The following BLTP1 variants were observed in gnomAD, a reference collection of about 807,000 sequenced individuals.
The protein encoded by BLTP1 is bridge-like lipid transfer protein family member 1, also known as fragile site-associated protein.
At chr4:122,226,222 A>G in the BLTP1 span, 1 of 165,226 alleles carries the variant, frequency 6.1e-6, no homozygotes, top group South Asian at 2.0e-4. Context: ...GAATTATGAT[A>G]TATACTTACT....
the BLTP1 span, chr4:122,251,708 A>G: frequency 1.7e-6 from 1 of 592,166 alleles, no homozygotes; most frequent in Non-Finnish European, 2.1e-6. Context: ...TGAATTGGCT[A>G]ACATTACTTT....
At chr4:122,325,679 TTA>T in the BLTP1 span, 2 of 1,021,668 alleles carry the variant, frequency 2.0e-6, no homozygotes, top group South Asian at 1.7e-5. Context: ...TGTATTTTAT[TTA>T]TAGATAGCAG....
the BLTP1 span, chr4:122,249,376 CTAAGATATCTTT>C: frequency 6.7e-7 from 1 of 1,490,950 alleles, no homozygotes; most frequent in Non-Finnish European, 8.9e-7. Context: ...TGACAGAGCA[CTAAGATATCTTT>C]TAAAGACAAC....
the BLTP1 span, chr4:122,199,310 A>G: frequency 1.3e-6 from 2 of 1,595,384 alleles, no homozygotes; most frequent in Non-Finnish European, 1.7e-6. Flanking sequence ...AAGATGTTTC[A>G]TTTTGTAATT....
chr4:122,164,957 A>G, the BLTP1 span, among the ~76,000 whole-genome samples: 2 of 152,218 alleles, frequency 1.3e-5, no homozygotes, highest in Non-Finnish European at 2.9e-5. Context: ...AGAAGAAGGT[A>G]TTTATAGCAT....
chr4:122,316,642 TG>T, the BLTP1 span: 1 of 1,501,336 alleles, frequency 6.7e-7, no homozygotes, highest in Non-Finnish European at 9.1e-7. Flanking sequence ...GATTCTTGCA[TG>T]CTTTGATTTA....
chr4:122,160,082 C>T, the BLTP1 span, among the ~76,000 whole-genome samples: 1 of 152,248 alleles, frequency 6.6e-6, no homozygotes, highest in South Asian at 2.1e-4. Context: ...GATTTATGTG[C>T]ACAAAGATGC....
At chr4:122,222,866 A>G in the BLTP1 span, 4 of 372,852 alleles carry the variant, frequency 1.1e-5, no homozygotes, top group African/African-American at 4.4e-5. Flanking sequence ...GAGGGATGCC[A>G]TTCAACCCAC....
chr4:122,291,532 A>G, the BLTP1 span, among the ~76,000 whole-genome samples: 3 of 152,238 alleles, frequency 2.0e-5, no homozygotes, highest in East Asian at 1.9e-4. Context: ...TAGGAAGACT[A>G]ATGTTCATAA....
the BLTP1 span, chr4:122,357,017 C>G: frequency 2.0e-6 from 2 of 984,062 alleles, no homozygotes; most frequent in Non-Finnish European, 2.4e-6. Flanking sequence ...ACAGGAGATT[C>G]TTGAAAAATA....
chr4:122,346,844 G>A, the BLTP1 span: 3 of 1,543,236 alleles, frequency 1.9e-6, no homozygotes, highest in African/African-American at 1.4e-5. Context: ...TTACTTGGCA[G>A]GGTGTACCAT....
chr4:122,264,344 C>T, the BLTP1 span: 1 of 1,611,484 alleles, frequency 6.2e-7, no homozygotes, highest in African/African-American at 1.3e-5. Context: ...GACACATTCT[C>T]AGCATAGCAC....
chr4:122,196,704 T>C, the BLTP1 span: 5 of 1,612,188 alleles, frequency 3.1e-6, no homozygotes, highest in Non-Finnish European at 4.2e-6. Context: ...TTGCACAGCC[T>C]GGGAGACCAA....
At chr4:122,286,309 C>T in the BLTP1 span, 516 of 392,710 alleles carry the variant, frequency 1.3e-3, no homozygotes, top group Non-Finnish European at 1.7e-3. Flanking sequence ...CACTGCCAGT[C>T]TTAATAAATA....
At chr4:122,158,503 C>T in the BLTP1 span, among the ~76,000 whole-genome samples, 2 of 152,282 alleles carry the variant, frequency 1.3e-5, no homozygotes, top group Admixed American at 6.5e-5. Flanking sequence ...CACAGTGGCT[C>T]ACTCCTGTAA....
At chr4:122,320,989 C>CTTTTTTTTTTTT in the BLTP1 span, among the ~76,000 whole-genome samples, 6 of 122,950 alleles carry the variant, frequency 4.9e-5, no homozygotes, top group African/African-American at 9.0e-5. Context: ...TTTTTCTTTT[C>CTTTTTTTTTTTT]TTTTTTTTTT....
At chr4:122,227,209 A>G in the BLTP1 span, 3 of 995,936 alleles carry the variant, frequency 3.0e-6, no homozygotes, top group Non-Finnish European at 3.6e-6. Context: ...TTTGCAGACC[A>G]CTCTGGACAT....
the BLTP1 span, chr4:122,174,484 A>C: frequency 2.6e-6 from 4 of 1,542,498 alleles, no homozygotes; most frequent in Non-Finnish European, 3.5e-6. Flanking sequence ...TTATTGAATA[A>C]ATTTAGTGCT....
At chr4:122,189,419 C>T in the BLTP1 span, 658 of 982,332 alleles carry the variant, frequency 6.7e-4, 10 homozygotes, top group East Asian at 0.042. Context: ...TTAGAGTTCA[C>T]GATGTTTGCT....
Sources: gnomAD v4.1 joint callset for allele counts (sites outside exome capture counted in the v4.1 genomes callset) on GRCh38, gnomAD v4.1.1 for gene constraint, MANE v1.5 for transcripts, NCBI Gene and HGNC (gene_info 2026-07-23, HGNC 2026-07-21) for gene names.